MAGI2: variants seen among roughly 807,000 people sequenced by gnomAD.
The protein encoded by MAGI2 is membrane associated guanylate kinase, WW and PDZ domain containing 2.
In MAGI2, 35 loss-of-function variants were observed where a neutral mutation model predicts 133.3. That is an observed-to-expected ratio of 0.26 (90% CI 0.20 to 0.35). MAGI2 has a LOEUF of 0.35. Among genes scored for constraint, MAGI2 ranks in the 10% least tolerant of loss-of-function variants. The probability of loss-of-function intolerance (pLI) is 1.00; values close to 1 mark genes in which losing one functional copy is unlikely to be tolerated. For synonymous variants in MAGI2, 729 were observed against 710.6 expected, an observed-to-expected ratio of 1.03 and a Z score of -0.41; for missense variants, 1,636 against 1,863.4, an observed-to-expected ratio of 0.88 and a Z score of 2.25.
intron 2 of MAGI2, among the ~76,000 whole-genome samples, chr7:78,801,757 T>G (rs1788074643): frequency 6.6e-6 from 1 of 152,172 alleles, no homozygotes; most frequent in Non-Finnish European, 1.5e-5. Flanking sequence ...TCAAGCACTT[T>G]CTGTGTGTCA....
chr7:79,302,086 G>A (rs1406156), intron 1 of MAGI2, among the ~76,000 whole-genome samples: 141,789 of 152,232 alleles, frequency 0.93, 66,392 homozygotes, highest in Non-Finnish European at 0.98. Context: ...TTTTTAAAAA[G>A]TAAATTACCC....
At chr7:79,444,124 T>TA (rs910711104) in intron 1 of MAGI2, among the ~76,000 whole-genome samples, 2 of 152,204 alleles carry the variant, frequency 1.3e-5, no homozygotes, top group African/African-American at 4.8e-5. Flanking sequence ...CGCTTCATGC[T>TA]AAAAACTCTC....
intron 2 of MAGI2, among the ~76,000 whole-genome samples, chr7:78,982,854 G>A (rs528340208): frequency 2.0e-5 from 3 of 151,762 alleles, no homozygotes; most frequent in Admixed American, 6.6e-5. Context: ...AAATGGAAAG[G>A]AGAGGCTGGT....
intron 1 of MAGI2, among the ~76,000 whole-genome samples, chr7:79,354,878 CT>C (rs1841921202): frequency 6.6e-6 from 1 of 152,136 alleles, no homozygotes; most frequent in Non-Finnish European, 1.5e-5. Flanking sequence ...TAAGCCGCTC[CT>C]TAGTGAGTAG....
At chr7:78,647,084 CATAAAA>C (rs922585267) in intron 2 of MAGI2, among the ~76,000 whole-genome samples, 1 of 152,034 alleles carries the variant, frequency 6.6e-6, no homozygotes, top group Non-Finnish European at 1.5e-5. Context: ...AGGAATTTAT[CATAAAA>C]ATATTGTCAT....
At chr7:78,216,764 C>T (rs1297291984) in intron 10 of MAGI2, among the ~76,000 whole-genome samples, 2 of 152,230 alleles carry the variant, frequency 1.3e-5, no homozygotes, top group East Asian at 3.9e-4. Context: ...AATGCTACTT[C>T]CCATTTCCAT....
At chr7:79,356,377 C>T (rs1039506952) in intron 1 of MAGI2, among the ~76,000 whole-genome samples, 10 of 152,114 alleles carry the variant, frequency 6.6e-5, no homozygotes, top group Non-Finnish European at 1.5e-4. Context: ...GAATAGTGGA[C>T]ATGCATCTAT....
chr7:78,768,589 AAAT>A (rs1825259084), intron 2 of MAGI2, among the ~76,000 whole-genome samples: 1 of 152,180 alleles, frequency 6.6e-6, no homozygotes, highest in African/African-American at 2.4e-5. Context: ...TCAGTGGAGC[AAAT>A]ATTATTACAC....
chr7:79,327,824 G>A (rs1486946090), intron 1 of MAGI2, among the ~76,000 whole-genome samples: 1 of 152,076 alleles, frequency 6.6e-6, no homozygotes, highest in Non-Finnish European at 1.5e-5. Context: ...TACTGTTAAT[G>A]TTTGGTATAT....
intron 7 of MAGI2, chr7:78,359,470 C>T (rs757992322): frequency 3.9e-5 from 6 of 152,122 alleles, no homozygotes; most frequent in Non-Finnish European, 8.8e-5. Flanking sequence ...AGTTCTTATC[C>T]ACCTTTTTTG....
intron 11 of MAGI2, 60 bp from the exon 12 acceptor site, chr7:78,195,123 G>T: frequency 2.1e-6 from 3 of 1,427,754 alleles, no homozygotes; most frequent in South Asian, 2.8e-5. Flanking sequence ...TATTTCTCTT[G>T]TCACCTTTAG....
chr7:79,334,282 A>G (rs1240615577), intron 1 of MAGI2, among the ~76,000 whole-genome samples: 1 of 152,222 alleles, frequency 6.6e-6, no homozygotes, highest in Non-Finnish European at 1.5e-5. Flanking sequence ...AGTGTCTGGT[A>G]TAATACTTAC....
At chr7:79,373,449 C>T (rs908267280) in intron 1 of MAGI2, among the ~76,000 whole-genome samples, 1 of 151,594 alleles carries the variant, frequency 6.6e-6, no homozygotes, top group African/African-American at 2.4e-5. Context: ...ATGTCTTCTG[C>T]TAAAAATAAT....
intron 1 of MAGI2, among the ~76,000 whole-genome samples, chr7:79,224,014 C>T (rs548781061): frequency 6.6e-6 from 1 of 152,182 alleles, no homozygotes; most frequent in East Asian, 1.9e-4. Flanking sequence ...GAAGTGTTAA[C>T]TGTAAGCATT....
intron 21 of MAGI2, 70 bp downstream of exon 21, chr7:78,078,877 A>G (rs746438071): frequency 6.3e-6 from 10 of 1,586,230 alleles, no homozygotes; most frequent in Middle Eastern, 1.7e-4. Flanking sequence ...ATGTAGTTTT[A>G]TAAATAACCA....
intron 16 of MAGI2, among the ~76,000 whole-genome samples, chr7:78,148,548 A>T (rs1303176115): frequency 6.6e-6 from 1 of 152,170 alleles, no homozygotes; most frequent in Non-Finnish European, 1.5e-5. Flanking sequence ...ATAAATAGAG[A>T]TAAGTAAAAA....
At chr7:78,502,542 C>T (rs1359840722) in intron 4 of MAGI2, among the ~76,000 whole-genome samples, 1 of 150,824 alleles carries the variant, frequency 6.6e-6, no homozygotes, top group Non-Finnish European at 1.5e-5. Context: ...GAAAGACCAC[C>T]TTCACATAAC....
intron 3 of MAGI2, chr7:78,568,470 G>C (rs2150759271): frequency 6.6e-6 from 1 of 152,258 alleles, no homozygotes; most frequent in South Asian, 2.1e-4. Context: ...TCCCTAAATA[G>C]TAACTTTATT....
intron 1 of MAGI2, among the ~76,000 whole-genome samples, chr7:79,184,404 C>T (rs933970834): frequency 1.3e-5 from 2 of 149,420 alleles, no homozygotes; most frequent in African/African-American, 2.5e-5. Flanking sequence ...TTCCCAAAAA[C>T]GTATTGAAAT....
Sources: allele counts gnomAD v4.1 joint callset (sites outside exome capture counted in the v4.1 genomes callset), GRCh38; gene constraint gnomAD v4.1.1; transcripts MANE v1.5; gene names NCBI Gene and HGNC (gene_info 2026-07-23, HGNC 2026-07-21).